Variants in NCOA7 observed in about 807,000 individuals in gnomAD.
NCOA7 encodes nuclear receptor coactivator 7.
Under a neutral mutation model 104.3 loss-of-function variants are expected in NCOA7, and 45 were observed. That is an observed-to-expected ratio of 0.43 (90% CI 0.34 to 0.55). The LOEUF (loss-of-function observed/expected upper bound fraction) is 0.55. Ranked by LOEUF, NCOA7 falls within the 20% of genes least tolerant of loss-of-function variation. NCOA7 has a pLI of 0.02. For synonymous variants in NCOA7, 398 were observed against 402.3 expected, an observed-to-expected ratio of 0.99 and a Z score of 0.13; for missense variants, 1,041 against 1,119.7, an observed-to-expected ratio of 0.93 and a Z score of 1.00.
chr6:125,911,050 A>G (rs1221769139), intron 10 of NCOA7, among the ~76,000 whole-genome samples: 2 of 152,246 alleles, frequency 1.3e-5, no homozygotes, highest in African/African-American at 4.8e-5. Context: ...GGGACACCAG[A>G]GGACCATCAT....
At chr6:125,864,738 G>C (rs1227805002) in intron 3 of NCOA7, among the ~76,000 whole-genome samples, 1 of 137,648 alleles carries the variant, frequency 7.3e-6, no homozygotes, top group Admixed American at 6.9e-5. Flanking sequence ...GGACTTCCTA[G>C]TGTCCAGAAC....
At chr6:125,914,490 T>G (rs1423967089) in intron 10 of NCOA7, among the ~76,000 whole-genome samples, 1 of 152,228 alleles carries the variant, frequency 6.6e-6, no homozygotes, top group Non-Finnish European at 1.5e-5. Context: ...ATTAATATTA[T>G]TGCAATTTTA....
At chr6:125,811,783 G>A (rs1425616495) in intron 1 of NCOA7, among the ~76,000 whole-genome samples, 3 of 152,070 alleles carry the variant, frequency 2.0e-5, no homozygotes, top group Admixed American at 6.6e-5. Context: ...CTCCCAATAC[G>A]TCACTAATGC....
chr6:125,911,731 C>T (rs1012438949), intron 10 of NCOA7, among the ~76,000 whole-genome samples: 10 of 152,146 alleles, frequency 6.6e-5, no homozygotes, highest in African/African-American at 1.7e-4. Context: ...CATTAAGCAT[C>T]GTGACTCTGG....
At chr6:125,919,656 T>C (rs976820331) in intron 11 of NCOA7, among the ~76,000 whole-genome samples, 12 of 148,118 alleles carry the variant, frequency 8.1e-5, no homozygotes, top group Non-Finnish European at 1.6e-4. Flanking sequence ...CATTTTATAC[T>C]TGTGATAAAC....
chr6:125,889,615 A>C lies in NCOA7; in HGVS notation c.1561A>C (p.Lys521Gln). The change falls in exon 9 of 16, where the codon AAA becomes CAA. Residue 521 changes from lysine (K) to glutamine (Q), a missense_variant. Coordinates refer to ENST00000392477, the MANE Select transcript of NCOA7 (RefSeq NM_181782.5). ...CATACATGAAGATTTAGATAAAGTT[A>C]AACTCATTGAATATTACCTGACTAA... is the stretch of plus-strand genomic sequence containing the variant. ...LNIHEDLDKV[K>Q]LIEYYLTKNK... 1.9e-6 allele frequency: 3 copies of C among 1,613,904 alleles called. No individual in the cohort carries two copies. The highest frequency in any genetic ancestry group is 2.5e-6 in the Non-Finnish European group (3 of 1,179,966).
At chr6:125,846,647 CAG>C (rs1780646130) in intron 2 of NCOA7, among the ~76,000 whole-genome samples, 1 of 152,202 alleles carries the variant, frequency 6.6e-6, no homozygotes, top group African/African-American at 2.4e-5. Flanking sequence ...GTAGAATTTT[CAG>C]AGTCCACTGG....
At position 125,800,886 on chromosome 6, in the gene NCOA7, G is replaced by A. The variant is rs117584147; in HGVS notation, c.-65+9819G>A. On this transcript the variant is annotated intron_variant, in intron 1 of 15. Coordinates refer to ENST00000392477, the MANE Select transcript of NCOA7 (RefSeq NM_181782.5). ...TACTAAAAATACAAAAATTAGGCAG[G>A]TGTCGGGGCACGCGCCTGTAATCCC... Among the ~76,000 whole-genome samples, 974 of 152,328 alleles carry A rather than the reference G, an allele frequency of 6.4e-3. 3 individuals are homozygous for A. Among genetic ancestry groups the A allele is most frequent in the Non-Finnish European group, 8.0e-3 (546 of 68,038 alleles).
At chr6:125,921,147 T>A in intron 12 of NCOA7, 79 bp downstream of exon 12, 8 of 1,536,568 alleles carry the variant, frequency 5.2e-6, no homozygotes, top group Non-Finnish European at 7.0e-6. Flanking sequence ...CAGTGGCTCA[T>A]GCCTGTAATC....
chr6:125,781,779 C>G (rs963620614), intron 1 of NCOA7, among the ~76,000 whole-genome samples: 1 of 152,242 alleles, frequency 6.6e-6, no homozygotes, highest in African/African-American at 2.4e-5. Flanking sequence ...CTTTCTTCTT[C>G]CCAGAAGTAA....
chr6:125,845,663 G>A (rs1419654637), intron 2 of NCOA7, among the ~76,000 whole-genome samples: 1 of 152,096 alleles, frequency 6.6e-6, no homozygotes, highest in Non-Finnish European at 1.5e-5. Flanking sequence ...TGCAATCCCA[G>A]CTACTCAGCA....
intron 8 of NCOA7, among the ~76,000 whole-genome samples, chr6:125,885,658 T>C (rs1784198279): frequency 1.3e-5 from 2 of 152,238 alleles, no homozygotes; most frequent in South Asian, 2.1e-4. Context: ...GGCAGTTCTC[T>C]GAAAGAAGTT....
intron 10 of NCOA7, among the ~76,000 whole-genome samples, chr6:125,907,205 T>G (rs1319122266): frequency 6.6e-6 from 1 of 152,254 alleles, no homozygotes; most frequent in Non-Finnish European, 1.5e-5. Context: ...AATAGGAGTC[T>G]GCCAGTGCCC....
In NCOA7 at chr6:125,862,984, G is replaced by A. The variant is rs928640672; in HGVS notation, c.271+7744G>A. ...CATACCAACCTGGGTGACAGAGTGAGACTTCGTCTCAAAAAAACAAAAAAA... is the reference window on the plus strand; with the variant it reads ...CATACCAACCTGGGTGACAGAGTGAAACTTCGTCTCAAAAAAACAAAAAAA... On this transcript the variant is annotated intron_variant, in intron 3 of 15. Coordinates refer to ENST00000392477, the MANE Select transcript of NCOA7 (RefSeq NM_181782.5). Among the ~76,000 whole-genome samples, 6 of 138,900 alleles carry A rather than the reference G, an allele frequency of 4.3e-5. 2 individuals carry two copies. Among genetic ancestry groups the A allele is most frequent in the Non-Finnish European group, 9.2e-5 (6 of 65,068 alleles). The allele number at this position is 138,900 out of a possible 152,430, so 91.1% of individuals were successfully genotyped here.
chr6:125,803,205 G>C (rs1029853979), intron 1 of NCOA7, among the ~76,000 whole-genome samples: 1 of 152,118 alleles, frequency 6.6e-6, no homozygotes, highest in Non-Finnish European at 1.5e-5. Context: ...CCACTTTTAA[G>C]ACTTTCCCTA....
Position 125,795,211 on chromosome 6 carries a change from G to A in NCOA7, c.-65+4144G>A, listed in dbSNP as rs181802927. On this transcript the variant is annotated intron_variant, in intron 1 of 15. Coordinates refer to ENST00000392477, the MANE Select transcript of NCOA7 (RefSeq NM_181782.5). ...GGTCAGTCATTGGTACAGTCTGGTAGCCTTTGGCATAAAAATGATCTGAAT... is the reference window on the plus strand; with the variant it reads ...GGTCAGTCATTGGTACAGTCTGGTAACCTTTGGCATAAAAATGATCTGAAT... 2.0e-5 allele frequency among the ~76,000 whole-genome samples: 3 copies of A among 152,280 alleles called. No homozygotes were observed. In the East Asian group the frequency reaches 5.8e-4, roughly 29 times the overall value.
chr6:125,844,913 G>A (rs1040772859), intron 2 of NCOA7, among the ~76,000 whole-genome samples: 1 of 152,120 alleles, frequency 6.6e-6, no homozygotes, highest in Non-Finnish European at 1.5e-5. Flanking sequence ...TGGAAACCAG[G>A]CACAGGTTGT....
chr6:125,875,794 A>G (rs948390846), intron 4 of NCOA7, among the ~76,000 whole-genome samples: 1 of 152,222 alleles, frequency 6.6e-6, no homozygotes, highest in African/African-American at 2.4e-5. Flanking sequence ...GAGATTAGAC[A>G]TCTCTTTGTT....
At chr6:125,898,354 C>A (rs1281246316) in intron 10 of NCOA7, among the ~76,000 whole-genome samples, 1 of 152,178 alleles carries the variant, frequency 6.6e-6, no homozygotes, top group Non-Finnish European at 1.5e-5. Flanking sequence ...AAGATCATCC[C>A]ATGTTATCTT....
Sources: allele counts gnomAD v4.1 joint callset (sites outside exome capture counted in the v4.1 genomes callset), GRCh38; gene constraint gnomAD v4.1.1; transcripts MANE v1.5; gene names NCBI Gene and HGNC (gene_info 2026-07-23, HGNC 2026-07-21).